The following VCL variants were observed in gnomAD, a reference collection of about 807,000 sequenced individuals.
VCL encodes epididymis luminal protein 114.
Under a neutral mutation model 125.7 loss-of-function variants are expected in VCL, and 47 were observed. The observed-to-expected ratio is 0.37, with a 90% CI of 0.30 to 0.48. VCL has a LOEUF of 0.48. VCL is among the 20% of genes least tolerant of loss of function. VCL has a pLI of 0.99. For synonymous variants in VCL, 458 were observed against 514.6 expected, an observed-to-expected ratio of 0.89 and a Z score of 1.49; for missense variants, 1,069 against 1,455.5, an observed-to-expected ratio of 0.73 and a Z score of 4.32.
At chr10:74,090,920 C>A (rs140572812) in intron 10 of VCL, among the ~76,000 whole-genome samples, 2,014 of 152,206 alleles carry the variant, frequency 0.013, 50 homozygotes, top group African/African-American at 0.046. Flanking sequence ...TCCACCTCAG[C>A]CTCCGGAGTA....
At position 74,096,084 on chromosome 10, in the gene VCL, C is replaced by T. The variant is rs4746172; in HGVS notation, c.1743+229C>T. ...AATTCCACTCAGTCAAGAGCCCTTT[C>T]GTGATTTTTGCTCTATCCACATATC... is the stretch of plus-strand genomic sequence containing the variant. On this transcript the variant is annotated intron_variant, in intron 12 of 21. Coordinates refer to ENST00000211998, the MANE Select transcript of VCL (RefSeq NM_014000.3). Among the ~76,000 whole-genome samples the T allele has an allele frequency of 0.72, 109,430 of 151,586 alleles. 40,149 individuals carry two copies. The highest frequency in any genetic ancestry group is 0.85 in the Middle Eastern group (247 of 292).
At chr10:74,033,117 T>G (rs1322152824) in intron 1 of VCL, among the ~76,000 whole-genome samples, 5 of 152,070 alleles carry the variant, frequency 3.3e-5, no homozygotes, top group Non-Finnish European at 7.4e-5. Context: ...AGCCCAAAAA[T>G]GAAAACAACT....
chr10:74,024,774 G>T (rs1364824872), intron 1 of VCL, among the ~76,000 whole-genome samples: 1 of 152,194 alleles, frequency 6.6e-6, no homozygotes, highest in Non-Finnish European at 1.5e-5. Context: ...GCAAATAACA[G>T]TTAAGGAGCT....
chr10:74,022,508 T>C (rs1840689471), intron 1 of VCL, among the ~76,000 whole-genome samples: 1 of 151,520 alleles, frequency 6.6e-6, no homozygotes, highest in Non-Finnish European at 1.5e-5. Flanking sequence ...ATTGCGCCAT[T>C]GAACTCCAGC....
At chr10:74,094,505 T>C (rs1381584803) in intron 11 of VCL, 44 bp downstream of exon 11, 1 of 1,593,376 alleles carries the variant, frequency 6.3e-7, no homozygotes, top group Admixed American at 1.8e-5. Context: ...TTGGTCTCAG[T>C]GCAAATAAGC....
In VCL at chr10:74,112,038, A is replaced by C. The variant is rs758969419; in HGVS notation, c.2875A>C (p.Asn959His). 91 of 1,614,052 alleles carry C rather than the reference A, an allele frequency of 5.6e-5. No individual in the cohort carries two copies. Among genetic ancestry groups the C allele is most frequent in the Non-Finnish European group, 7.5e-5 (88 of 1,180,034 alleles). ...ACCTGAGCTGCTGTTAATGCCATCC[A>C]ATCAGCCGGTCAACCAGCCCATTCT... ...YEPELLLMPSNQPVNQPILAA... is the reference protein window; with the variant it reads ...YEPELLLMPSHQPVNQPILAA... The change falls in exon 19 of 22, where the codon AAT (asparagine) becomes CAT (histidine). Residue 959 changes from asparagine (N) to histidine (H), a missense_variant. Physicochemically the swap from Asn to His is moderately conservative, Grantham distance 68. Transcript: ENST00000211998.
At chr10:74,038,533 A>C (rs1456703220) in intron 1 of VCL, among the ~76,000 whole-genome samples, 3 of 152,242 alleles carry the variant, frequency 2.0e-5, no homozygotes, top group Non-Finnish European at 4.4e-5. Context: ...GAGTGTATTG[A>C]GCAATCATGG....
At chr10:74,008,004 A>G (rs1840351843) in intron 1 of VCL, among the ~76,000 whole-genome samples, 1 of 151,978 alleles carries the variant, frequency 6.6e-6, no homozygotes, top group African/African-American at 2.4e-5. Flanking sequence ...GGGATTCACC[A>G]TGTTGGCCAG....
chr10:74,017,662 C>A (rs1293816955), intron 1 of VCL, among the ~76,000 whole-genome samples: 1 of 151,742 alleles, frequency 6.6e-6, no homozygotes, highest in Non-Finnish European at 1.5e-5. Flanking sequence ...AAGCCATCCT[C>A]CCACCTCAGC....
chr10:74,037,488 T>C (rs1429308421), intron 1 of VCL, among the ~76,000 whole-genome samples: 1 of 152,226 alleles, frequency 6.6e-6, no homozygotes, highest in Non-Finnish European at 1.5e-5. Flanking sequence ...ATTGTAAAGA[T>C]CTAGAACAGA....
chr10:74,083,596 TTTGAG>T (rs1839715778), intron 8 of VCL, 83 bp downstream of exon 8: 2 of 1,551,082 alleles, frequency 1.3e-6, no homozygotes, highest in African/African-American at 2.7e-5. Context: ...CTCTGCCAGT[TTTGAG>T]TTATCTCTTT....
intron 1 of VCL, among the ~76,000 whole-genome samples, chr10:74,014,832 C>T (rs942990956): frequency 2.0e-5 from 3 of 152,018 alleles, no homozygotes; most frequent in African/African-American, 7.2e-5. Context: ...GGACTACATG[C>T]GTGCACTACC....
Position 74,070,725 on chromosome 10 carries a change from C to G in VCL, c.295C>G (p.Pro99Ala). ...VQAAQMLQSDPYSVPARDYLI... is the reference protein window; with the variant it reads ...VQAAQMLQSDAYSVPARDYLI... ...GGCAGCTCAGATGCTTCAGTCAGACCCTTACTCAGTGCCTGCTCGAGATTA... is the reference window on the plus strand; with the variant it reads ...GGCAGCTCAGATGCTTCAGTCAGACGCTTACTCAGTGCCTGCTCGAGATTA... The change falls in exon 3 of 22, where the codon CCT (proline) becomes GCT (alanine). Residue 99 changes from proline to alanine, a missense_variant. By Grantham distance (27) the Pro-to-Ala change is conservative. Transcript: ENST00000211998. The G allele has an allele frequency of 3.1e-6, 5 of 1,614,086 alleles. No homozygotes were observed. Among genetic ancestry groups the G allele is most frequent in the Non-Finnish European group, 4.2e-6 (5 of 1,180,012 alleles).
At chr10:74,009,970 G>T (rs1456864769) in intron 1 of VCL, among the ~76,000 whole-genome samples, 2 of 151,124 alleles carry the variant, frequency 1.3e-5, no homozygotes, top group Non-Finnish European at 2.9e-5. Context: ...TGTTGCCCAG[G>T]CTGGAGTGCA....
At chr10:74,048,059 G>T (rs1841222982) in intron 2 of VCL, among the ~76,000 whole-genome samples, 1 of 152,204 alleles carries the variant, frequency 6.6e-6, no homozygotes, top group Non-Finnish European at 1.5e-5. Flanking sequence ...AAGAGGTGTA[G>T]GGTTGCATGG....
intron 2 of VCL, among the ~76,000 whole-genome samples, chr10:74,045,750 C>G (rs1264787621): frequency 6.6e-6 from 1 of 151,950 alleles, no homozygotes; most frequent in East Asian, 1.9e-4. Flanking sequence ...GTAGTCCTAC[C>G]TCTGGGAGGG....
intron 2 of VCL, among the ~76,000 whole-genome samples, chr10:74,043,429 C>T (rs1160995492): frequency 6.6e-6 from 1 of 152,114 alleles, no homozygotes; most frequent in Non-Finnish European, 1.5e-5. Flanking sequence ...TCACTGCAAC[C>T]TCTGCCTCTT....
At chr10:74,015,192 ATATT>A (rs1465992823) in intron 1 of VCL, among the ~76,000 whole-genome samples, 3 of 152,378 alleles carry the variant, frequency 2.0e-5, no homozygotes, top group Middle Eastern at 3.4e-3. Context: ...TTTGCTATGC[ATATT>A]TAATTTCAAA....
chr10:74,053,706 G>A (rs1023024125), intron 2 of VCL, among the ~76,000 whole-genome samples: 2 of 152,008 alleles, frequency 1.3e-5, no homozygotes, highest in African/African-American at 4.8e-5. Context: ...TCCCTCCCGG[G>A]TTCAAGCGAT....
Sources: gnomAD v4.1 joint callset for allele counts (sites outside exome capture counted in the v4.1 genomes callset) on GRCh38, gnomAD v4.1.1 for gene constraint, MANE v1.5 for transcripts, NCBI Gene and HGNC (gene_info 2026-07-23, HGNC 2026-07-21) for gene names.